Variants in PHACTR1 observed in about 807,000 individuals in gnomAD.
PHACTR1 encodes the protein phosphatase and actin regulator 1, also known as RPEL repeat containing 1.
A neutral mutation model predicts 69.2 loss-of-function variants in PHACTR1; 16 were observed. The observed-to-expected ratio is 0.23, with a 90% CI of 0.16 to 0.35. The LOEUF is 0.35. PHACTR1 is among the 10% of genes least tolerant of loss of function. The pLI is 1.00. For synonymous variants in PHACTR1, 312 were observed against 284.5 expected (o/e 1.10, Z -0.97); for missense variants, 510 against 734.7 (o/e 0.69, Z 3.54).
intron 7 of PHACTR1, among the ~76,000 whole-genome samples, chr6:13,199,411 AACAT>A (rs1764898609): frequency 8.3e-6 from 1 of 121,178 alleles, no homozygotes; most frequent in African/African-American, 3.6e-5. Context: ...AAAAAAAAAA[AACAT>A]TGGCATCTTG....
At chr6:12,905,150 ATAGC>A (rs1785588456) in intron 4 of PHACTR1, among the ~76,000 whole-genome samples, 1 of 152,114 alleles carries the variant, frequency 6.6e-6, no homozygotes, top group Non-Finnish European at 1.5e-5. Context: ...TGGGGACAAG[ATAGC>A]TATAGATTTT....
chr6:12,787,479 G>T (rs920790914), intron 4 of PHACTR1, among the ~76,000 whole-genome samples: 2 of 152,204 alleles, frequency 1.3e-5, no homozygotes, highest in Non-Finnish European at 2.9e-5. Context: ...GATTGGAAAA[G>T]TTCTGATGTG....
chr6:12,839,872 G>A (rs1412742), intron 4 of PHACTR1, among the ~76,000 whole-genome samples: 30,280 of 151,966 alleles, frequency 0.2, 3,345 homozygotes, highest in African/African-American at 0.3. Context: ...GAAGACCAGA[G>A]TGTAGAGCGA....
At chr6:13,225,594 T>C (rs1769491438) in intron 8 of PHACTR1, among the ~76,000 whole-genome samples, 2 of 152,202 alleles carry the variant, frequency 1.3e-5, no homozygotes, top group Non-Finnish European at 2.9e-5. Flanking sequence ...TTTGCATTTT[T>C]CTCTCTTCTT....
chr6:12,998,083 C>T (rs1468978163), intron 4 of PHACTR1, among the ~76,000 whole-genome samples: 1 of 152,168 alleles, frequency 6.6e-6, no homozygotes, highest in African/African-American at 2.4e-5. Context: ...TCCACTGGTA[C>T]ATCACGAAAG....
intron 4 of PHACTR1, among the ~76,000 whole-genome samples, chr6:12,910,120 G>A (rs997869941): frequency 2.2e-5 from 3 of 133,536 alleles, no homozygotes; most frequent in South Asian, 2.4e-4. Context: ...TCCAGGCTTT[G>A]TATAAAACAC....
Position 12,845,433 on chromosome 6 carries a change from C to CA in PHACTR1, c.250+95643_250+95644insA, listed in dbSNP as rs1561938852. ...ATGTCATTGTGAACACCACCCACCC[C>CA]CCCCCCCCCCGCCCTCCGTGCTGGG... On this transcript the variant is annotated intron_variant, in intron 4 of 14. Transcript: ENST00000332995. Among the ~76,000 whole-genome samples the CA allele has an allele frequency of 1.3e-3, 70 of 53,074 alleles. 8 individuals carry two copies. The highest frequency in any genetic ancestry group is 2.1e-3 in the Admixed American group (15 of 7,306). The allele number at this position is 53,074 out of a possible 152,430, so 34.8% of individuals were successfully genotyped here.
intron 10 of PHACTR1, among the ~76,000 whole-genome samples, chr6:13,271,719 C>A (rs73725652): frequency 6.6e-6 from 1 of 150,608 alleles, no homozygotes; most frequent in Non-Finnish European, 1.5e-5. Flanking sequence ...TAATATTTTC[C>A]GTCAGCAGTT....
chr6:12,860,683 G>T (rs528361675), intron 4 of PHACTR1, among the ~76,000 whole-genome samples: 1 of 151,992 alleles, frequency 6.6e-6, no homozygotes, highest in Non-Finnish European at 1.5e-5. Flanking sequence ...TTTAATGATC[G>T]CCATTCTAAC....
rs1384494931 is a variant in PHACTR1 at position 13,003,951 on chromosome 6, C to CTATATATATATATATACATATA, written c.251-49401_251-49400insATACATATATATATATATATAT. 5.9e-4 allele frequency among the ~76,000 whole-genome samples: 55 copies of CTATATATATATATATACATATA among 93,554 alleles called. 1 individual carries two copies. Among genetic ancestry groups the CTATATATATATATATACATATA allele is most frequent in the Admixed American group, 9.7e-5 (1 of 10,300 alleles). 61.4% of individuals were successfully genotyped at this position (93,554 alleles called of 152,430 possible). On this transcript the variant is annotated intron_variant, in intron 4 of 14. Coordinates refer to ENST00000332995, the MANE Select transcript of PHACTR1 (RefSeq NM_030948.6). ...CTTTTTTTATGGCTCAGTAGTATTC[C>CTATATATATATATATACATATA]TATATATATATATGTATATATATAT...
Position 13,245,624 on chromosome 6 carries a change from A to C in PHACTR1, c.1391+15431A>C, listed in dbSNP as rs899655472. ...TGTAGCTTGTCTGTTTACTCTGTTG[A>C]CAGTTTCTTTTGCTGTACAGAAGCT... On this transcript the variant is annotated intron_variant, in intron 10 of 14. Transcript: ENST00000332995. This position sits in a 1 kb window ranked among gnomAD's most constrained non-coding sequence, Gnocchi z 4.1. Among the ~76,000 whole-genome samples the C allele has an allele frequency of 2.6e-5, 4 of 152,014 alleles. No individual in the cohort carries two copies. The highest frequency in any genetic ancestry group is 2.6e-4 in the Admixed American group (4 of 15,270).
intron 4 of PHACTR1, among the ~76,000 whole-genome samples, chr6:12,919,933 C>T (rs910356983): frequency 6.6e-6 from 1 of 152,204 alleles, no homozygotes. Flanking sequence ...AATTCACACA[C>T]ATTACTGCTT....
At chr6:12,870,977 G>A (rs1781970561) in intron 4 of PHACTR1, among the ~76,000 whole-genome samples, 5 of 152,142 alleles carry the variant, frequency 3.3e-5, no homozygotes. Flanking sequence ...ACTAAGACTC[G>A]AGTAATCATC....
chr6:12,751,357 C>T (rs981288708), intron 4 of PHACTR1, among the ~76,000 whole-genome samples: 1 of 152,148 alleles, frequency 6.6e-6, no homozygotes, highest in South Asian at 2.1e-4. Context: ...TTGTTAATCC[C>T]CTACTTCTAT....
At chr6:13,213,421 T>C (rs560898890) in intron 8 of PHACTR1, among the ~76,000 whole-genome samples, 2 of 152,278 alleles carry the variant, frequency 1.3e-5, no homozygotes, top group East Asian at 3.9e-4. Flanking sequence ...CTTCTCAGAT[T>C]CCCATACAGA....
At chr6:13,072,817 G>A (rs1055665541) in intron 5 of PHACTR1, among the ~76,000 whole-genome samples, 1 of 152,104 alleles carries the variant, frequency 6.6e-6, no homozygotes, top group East Asian at 1.9e-4. Flanking sequence ...TTCCAAAAAG[G>A]TTGTAACAAT....
intron 5 of PHACTR1, among the ~76,000 whole-genome samples, chr6:13,150,268 G>T (rs1339503546): frequency 6.6e-6 from 1 of 152,140 alleles, no homozygotes; most frequent in African/African-American, 2.4e-5. Context: ...CTTAAGCCTG[G>T]CAGGTGGAGT....
chr6:13,043,444 G>A (rs1030427628), intron 4 of PHACTR1, among the ~76,000 whole-genome samples: 1 of 152,048 alleles, frequency 6.6e-6, no homozygotes, highest in South Asian at 2.1e-4. Context: ...AAAGGCGGGT[G>A]GGGGGTGGCG....
intron 4 of PHACTR1, among the ~76,000 whole-genome samples, chr6:13,011,868 G>A (rs917954981): frequency 6.6e-6 from 1 of 152,236 alleles, no homozygotes; most frequent in African/African-American, 2.4e-5. Context: ...ACACAATGCA[G>A]TAAATTCCCT....
Sources: allele counts gnomAD v4.1 joint callset (sites outside exome capture counted in the v4.1 genomes callset), GRCh38; gene constraint gnomAD v4.1.1; non-coding constraint Gnocchi (gnomAD v3.1); transcripts MANE v1.5; gene names NCBI Gene and HGNC (gene_info 2026-07-23, HGNC 2026-07-21).